The following HSD17B12 variants were observed in gnomAD, a reference collection of about 807,000 sequenced individuals.
HSD17B12 encodes very-long-chain 3-oxoacyl-CoA reductase.
A neutral mutation model predicts 39.3 loss-of-function variants in HSD17B12; 32 were observed. That is an observed-to-expected ratio of 0.81 (90% CI 0.61 to 1.09). HSD17B12 has a LOEUF of 1.09. Among genes scored for constraint, HSD17B12 ranks in the 50% least tolerant of loss-of-function variants. HSD17B12 has a pLI of 0.00. For synonymous variants in HSD17B12, 150 were observed against 146.7 expected, an observed-to-expected ratio of 1.02 and a Z score of -0.16; for missense variants, 342 against 382.9, an observed-to-expected ratio of 0.89 and a Z score of 0.89.
intron 3 of HSD17B12, among the ~76,000 whole-genome samples, chr11:43,793,705 A>G (rs1950890442): frequency 6.6e-6 from 1 of 152,146 alleles, no homozygotes; most frequent in Non-Finnish European, 1.5e-5. Flanking sequence ...AGACTATTTG[A>G]GGGTTCAGTT....
At chr11:43,767,830 T>C (rs1015984518) in intron 3 of HSD17B12, among the ~76,000 whole-genome samples, 1 of 152,228 alleles carries the variant, frequency 6.6e-6, no homozygotes, top group African/African-American at 2.4e-5. Context: ...TTCTGTTTAA[T>C]GCTGTAGAGA....
rs1005080640 is a variant in HSD17B12, at chr11:43,847,170, G to A, written c.684+7106G>A. Among the ~76,000 whole-genome samples, 11 of 152,250 alleles carry A rather than the reference G, an allele frequency of 7.2e-5. No homozygotes were observed. The East Asian group carries it at 1.9e-3, about 27-fold the overall frequency. The stretch of plus-strand genomic sequence containing the variant: ...TCAAAGAGGTGTTGCTCTCCGTCAC[G>A]CAGTTTCCTTCCTTTGACCTGGGAG... On this transcript the variant is annotated intron_variant, in intron 9 of 10. Coordinates refer to ENST00000278353, the MANE Select transcript of HSD17B12 (RefSeq NM_016142.3).
the HSD17B12 span, among the ~76,000 whole-genome samples, chr11:43,620,266 T>C: frequency 6.6e-6 from 1 of 152,156 alleles, no homozygotes. Flanking sequence ...AATAACCCTA[T>C]GGAGTAAATA....
chr11:43,621,487 G>A, the HSD17B12 span, among the ~76,000 whole-genome samples: 1 of 152,138 alleles, frequency 6.6e-6, no homozygotes. Flanking sequence ...GGCCGAGGTG[G>A]GAGGATCACT....
intron 1 of HSD17B12, among the ~76,000 whole-genome samples, chr11:43,704,301 T>C (rs150272757): frequency 1.3e-5 from 2 of 152,370 alleles, no homozygotes; most frequent in East Asian, 3.9e-4. Flanking sequence ...GTAAAGTTTC[T>C]GCAACCTCTC....
chr11:43,840,981 T>G (rs2135130564), intron 9 of HSD17B12, among the ~76,000 whole-genome samples: 2 of 152,296 alleles, frequency 1.3e-5, no homozygotes, highest in South Asian at 4.1e-4. Context: ...AGTTTACACT[T>G]CCACTGGCAG....
chr11:43,702,373 A>C (rs561572753), intron 1 of HSD17B12, among the ~76,000 whole-genome samples: 2 of 152,316 alleles, frequency 1.3e-5, no homozygotes, highest in East Asian at 3.9e-4. Context: ...ATGTTGAATA[A>C]CAGTGGTGAA....
At chr11:43,722,282 A>G (rs919739833) in intron 1 of HSD17B12, among the ~76,000 whole-genome samples, 3 of 152,184 alleles carry the variant, frequency 2.0e-5, no homozygotes, top group Admixed American at 6.5e-5. Context: ...ACAGCTCTTT[A>G]TATGTGTTTT....
At chr11:43,778,410 G>A (rs1281490354) in intron 3 of HSD17B12, among the ~76,000 whole-genome samples, 3 of 152,286 alleles carry the variant, frequency 2.0e-5, no homozygotes, top group East Asian at 1.9e-4. Flanking sequence ...AGAGGTATAA[G>A]GAGGAACTGG....
intron 1 of HSD17B12, among the ~76,000 whole-genome samples, chr11:43,739,381 T>A (rs1455079397): frequency 6.6e-6 from 1 of 152,168 alleles, no homozygotes; most frequent in Non-Finnish European, 1.5e-5. Context: ...TCTTAGTTCA[T>A]TTGTGCTGCT....
intron 1 of HSD17B12, among the ~76,000 whole-genome samples, chr11:43,749,787 A>G (rs956727766): frequency 1.3e-5 from 2 of 152,126 alleles, no homozygotes; most frequent in African/African-American, 4.8e-5. Flanking sequence ...ATAATTGGAA[A>G]GAAGTGAATA....
At chr11:43,558,343 G>C in the HSD17B12 span, among the ~76,000 whole-genome samples, 1 of 152,160 alleles carries the variant, frequency 6.6e-6, no homozygotes, top group African/African-American at 2.4e-5. Flanking sequence ...TTCACCCAGA[G>C]CTTTATGTTT....
the HSD17B12 span, among the ~76,000 whole-genome samples, chr11:43,614,916 A>G: frequency 2.0e-3 from 303 of 152,144 alleles, 1 homozygote; most frequent in Non-Finnish European, 2.0e-3. Context: ...TTAAATACTA[A>G]TTCCAACAAC....
At chr11:43,631,755 G>C in the HSD17B12 span, among the ~76,000 whole-genome samples, 954 of 152,104 alleles carry the variant, frequency 6.3e-3, 5 homozygotes, top group African/African-American at 0.022. Context: ...TGGTCTAAAC[G>C]TATCTTGCAG....
At chr11:43,715,507 T>A (rs1460433717) in intron 1 of HSD17B12, among the ~76,000 whole-genome samples, 1 of 152,198 alleles carries the variant, frequency 6.6e-6, no homozygotes, top group Non-Finnish European at 1.5e-5. Flanking sequence ...CTTTTTGATG[T>A]GCTGCTGGAT....
chr11:43,766,649 T>C (rs1325426682), intron 3 of HSD17B12, among the ~76,000 whole-genome samples: 1 of 152,206 alleles, frequency 6.6e-6, no homozygotes, highest in African/African-American at 2.4e-5. Context: ...CACAATTCTT[T>C]TGTATTTCGT....
intron 4 of HSD17B12, among the ~76,000 whole-genome samples, chr11:43,810,828 A>G (rs1347444169): frequency 6.6e-6 from 1 of 152,194 alleles, no homozygotes; most frequent in Admixed American, 6.5e-5. Flanking sequence ...TTTCACTGAA[A>G]AAAATGTTTA....
chr11:43,805,472 A>G (rs1951009255), intron 4 of HSD17B12, among the ~76,000 whole-genome samples: 1 of 152,230 alleles, frequency 6.6e-6, no homozygotes. Flanking sequence ...GCAGAAGGAC[A>G]AAATAAAATT....
At chr11:43,724,925 A>G (rs1950207849) in intron 1 of HSD17B12, among the ~76,000 whole-genome samples, 1 of 152,196 alleles carries the variant, frequency 6.6e-6, no homozygotes, top group African/African-American at 2.4e-5. Flanking sequence ...GTGTATATTC[A>G]TGTCTCATTT....
Sources: allele counts gnomAD v4.1 joint callset (sites outside exome capture counted in the v4.1 genomes callset), GRCh38; gene constraint gnomAD v4.1.1; transcripts MANE v1.5; gene names NCBI Gene and HGNC (gene_info 2026-07-23, HGNC 2026-07-21).